Variants in CHIT1 observed in about 807,000 individuals in gnomAD.
CHIT1 encodes the protein chitinase 1.
Under a neutral mutation model 52.0 loss-of-function variants are expected in CHIT1, and 47 were observed. The ratio of observed to expected loss-of-function variants is 0.90; its 90% CI spans 0.71 to 1.15. CHIT1 has a LOEUF of 1.15. Ranked by LOEUF, CHIT1 falls within the 50% of genes most tolerant of loss-of-function variation. The pLI is 0.00. For synonymous variants in CHIT1, 242 were observed against 228.2 expected (o/e 1.06, Z -0.54); for missense variants, 569 against 583.0 (o/e 0.98, Z 0.25).
At chr1:203,218,202 G>T (rs547786138) in intron 9 of CHIT1, 146 of 996,368 alleles carry the variant, frequency 1.5e-4, no homozygotes, top group Admixed American at 2.7e-4. Flanking sequence ...TTATTTAAGG[G>T]TATTGTATGC....
At chr1:203,228,939 A>G (rs1201890775) in intron 1 of CHIT1, among the ~76,000 whole-genome samples, 1 of 152,220 alleles carries the variant, frequency 6.6e-6, no homozygotes, top group Admixed American at 6.5e-5. Context: ...GGCTAGAAAG[A>G]ATCAATCTGG....
chr1:203,217,430 G>A (rs928701217), intron 10 of CHIT1: 80 of 1,445,848 alleles, frequency 5.5e-5, no homozygotes, highest in Non-Finnish European at 7.1e-5. Flanking sequence ...TGCAGGCTAA[G>A]GGGAGGCTTT....
In CHIT1 at chr1:203,217,724, G is replaced by A. The variant is rs1437197950; in HGVS notation, c.1156+15C>T. The A allele has an allele frequency of 1.9e-6, 3 of 1,613,546 alleles. No homozygotes were observed. Among genetic ancestry groups the A allele is most frequent in the African/African-American group, 1.3e-5 (1 of 74,618 alleles). ...ACCTCCAAATTCCACCACTGGCCCT[G>A]GGCCCCTTACTTACTCAGTTCCTGC... On this transcript the variant is annotated intron_variant, in intron 10 of 10. Transcript: ENST00000367229.
chr1:203,225,366 A>G (rs557551076), intron 3 of CHIT1, among the ~76,000 whole-genome samples: 12 of 152,166 alleles, frequency 7.9e-5, no homozygotes, highest in Non-Finnish European at 1.3e-4. Context: ...GAAGGCGCCC[A>G]GAACACTGGA....
chr1:203,227,973 G>C (rs1325706225), intron 2 of CHIT1, among the ~76,000 whole-genome samples: 1 of 152,138 alleles, frequency 6.6e-6, no homozygotes, highest in Non-Finnish European at 1.5e-5. Context: ...GGGACCAGGA[G>C]TTCAAGTTGC....
In CHIT1 at chr1:203,223,195, G is replaced by A; in HGVS notation, c.545C>T (p.Ala182Val). 1 of 1,614,208 alleles carries A rather than the reference G, an allele frequency of 6.2e-7. No individual in the cohort carries two copies. The highest frequency in any genetic ancestry group is 8.5e-7 in the Non-Finnish European group (1 of 1,180,034). Residue 182 changes from alanine (A) to valine (V), a missense_variant, in exon 6 of 11, where the codon GCA (alanine) becomes GTA (valine). By Grantham distance (64) the Ala-to-Val change is moderately conservative. Transcript: ENST00000367229. ...ATAGGTCTGCCCAGCTGGAACCGCT[G>A]CACTCAGAAGAAGGCGTTCCTTCCC... ...TSGKERLLLSAAVPAGQTYVD... is the reference protein window; with the variant it reads ...TSGKERLLLSVAVPAGQTYVD...
chr1:203,217,380 C>T, intron 10 of CHIT1: 1 of 1,502,124 alleles, frequency 6.7e-7, no homozygotes, highest in East Asian at 2.6e-5. Flanking sequence ...CATCTGCAAG[C>T]ACAACCATAT....
rs377270886 is a variant in CHIT1 at position 203,229,651 on chromosome 1, G to C, written c.-15C>G. The C allele has an allele frequency of 6.2e-6, 10 of 1,613,854 alleles. No individual in the cohort carries two copies. The African/African-American group carries it at 1.3e-4, about 22-fold the overall frequency. On this transcript the variant is annotated 5_prime_UTR_variant, in exon 1 of 11. Coordinates refer to ENST00000367229, the MANE Select transcript of CHIT1 (RefSeq NM_003465.3). The stretch of plus-strand genomic sequence containing the variant: ...GACCGCACCATGATGCAGCTCAGCG[G>C]CAGGCTGCAGCCCATACAAACCAGC...
chr1:203,223,240 T>C lies in CHIT1; in HGVS notation c.500A>G (p.Gln167Arg). ...CTTCCCTGAGGTCTGGGCTTCCTGC[T>C]GGAAGGCATTGGCCAAGTCCTGTGG... is the stretch of plus-strand genomic sequence containing the variant. ...TLVQDLANAF[Q>R]QEAQTSGKER... The change falls in exon 6 of 11, where the codon CAG (glutamine) becomes CGG (arginine). Residue 167 changes from glutamine to arginine, a missense_variant. Gln to Arg is a conservative substitution (Grantham distance 43, BLOSUM62 1). Coordinates refer to ENST00000367229, the MANE Select transcript of CHIT1 (RefSeq NM_003465.3). The C allele has an allele frequency of 6.2e-7, 1 of 1,614,216 alleles. No homozygotes were observed. The highest frequency in any genetic ancestry group is 1.6e-4 in the Middle Eastern group (1 of 6,062).
At chr1:203,227,277 G>T (rs1011085275) in intron 2 of CHIT1, among the ~76,000 whole-genome samples, 4 of 152,166 alleles carry the variant, frequency 2.6e-5, no homozygotes, top group Non-Finnish European at 4.4e-5. Context: ...TGGGGCTGGG[G>T]TGTAGCCTGC....
At chr1:203,220,701 C>A (rs1264695817) in intron 7 of CHIT1, among the ~76,000 whole-genome samples, 1 of 152,242 alleles carries the variant, frequency 6.6e-6, no homozygotes, top group Non-Finnish European at 1.5e-5. Context: ...GCTTTCACTA[C>A]ATTTATTTAA....
chr1:203,217,736 T>C lies in CHIT1; in HGVS notation c.1156+3A>G. The C allele has an allele frequency of 6.2e-7, 1 of 1,613,672 alleles. No homozygotes were observed. Among genetic ancestry groups the C allele is most frequent in the Non-Finnish European group, 8.5e-7 (1 of 1,179,750 alleles). On this transcript the variant is annotated splice_donor_region_variant and intron_variant, in intron 10 of 10. Coordinates refer to ENST00000367229, the MANE Select transcript of CHIT1 (RefSeq NM_003465.3). ...CACCACTGGCCCTGGGCCCCTTACT[T>C]ACTCAGTTCCTGCCGTAGCGTCTGG...
rs571309803 is a variant in CHIT1, at chr1:203,229,247, G to A, written c.25+365C>T. On this transcript the variant is annotated intron_variant, in intron 1 of 10. Coordinates refer to ENST00000367229, the MANE Select transcript of CHIT1 (RefSeq NM_003465.3). ...GGAGAAGAGGTTCTTGGCAGTGGGC[G>A]CTTCTTGGATAAGGCCAACAGGAGG... Among the ~76,000 whole-genome samples, 120 of 152,280 alleles carry A rather than the reference G, an allele frequency of 7.9e-4. 1 individual carries two copies. Among genetic ancestry groups the A allele is most frequent in the Middle Eastern group, 3.4e-3 (1 of 294 alleles).
At chr1:203,230,083 A>T (rs983138880), upstream of CHIT1, 1 of 217,184 alleles carries the variant, frequency 4.6e-6, no homozygotes, top group African/African-American at 2.3e-5. Context: ...CTGTTTCTCC[A>T]TCTAGAAGAT....
intron 6 of CHIT1, 21 bp downstream of exon 6, chr1:203,223,114 A>G (rs1244381987): frequency 1.9e-6 from 3 of 1,613,836 alleles, no homozygotes; most frequent in African/African-American, 1.3e-5. Context: ...CACAGCTCCA[A>G]GCCATCTGCC....
At position 203,225,695 on chromosome 1, in the gene CHIT1, G is replaced by A. The variant is rs1170791356; in HGVS notation, c.231C>T (p.Tyr77=). The A allele has an allele frequency of 8.7e-6, 14 of 1,614,034 alleles. No homozygotes were observed. Among genetic ancestry groups the A allele is most frequent in the Non-Finnish European group, 1.2e-5 (14 of 1,179,948 alleles). Residue 77 remains tyrosine (Y), a synonymous_variant, in exon 3 of 11, where the codon TAC becomes TAT. Transcript: ENST00000367229. Reference sequence around the variant, plus strand: ...TCTTCTTCAGGCCATTGAACTCCTGGTAGAGAGTCTCGTCATTCCACTCAG... The same window carrying A: ...TCTTCTTCAGGCCATTGAACTCCTGATAGAGAGTCTCGTCATTCCACTCAG... ...STTEWNDETL[Y]QEFNGLKKMN... is the part of the protein sequence containing the mutation.
chr1:203,216,541 T>TG lies in CHIT1; in HGVS notation c.*347dup. 2.1e-6 allele frequency: 1 copy of TG among 468,548 alleles called. No homozygotes were observed. Among genetic ancestry groups the TG allele is most frequent in the South Asian group, 1.5e-5 (1 of 64,600 alleles). The allele number at this position is 468,548 out of a possible 1,614,324, so 29.0% of individuals were successfully genotyped here. A position where few individuals can be genotyped will look rare whatever the true frequency, so the allele number is the denominator to read the frequency against. ...AACTGCCCACTGGCATATGGACTCA[T>TG]GGGGCAAGACCTGCCACAGGGCCTG... On this transcript the variant is annotated 3_prime_UTR_variant, in exon 11 of 11. Transcript: ENST00000367229.
Position 203,219,345 on chromosome 1 carries a change from G to A in CHIT1, c.916-16C>T, listed in dbSNP as rs1322581026. 2.1e-6 allele frequency: 3 copies of A among 1,426,472 alleles called. No individual in the cohort carries two copies. The highest frequency in any genetic ancestry group is 3.3e-5 in the Admixed American group (2 of 59,790). 88.4% of individuals were successfully genotyped at this position (1,426,472 alleles called of 1,614,324 possible). ...AGGAGCAGACCTGTGGGAGCAGAAG[G>A]CAGCACTGGGGAGGAGGAGGGAGGC... On this transcript the variant is annotated splice_polypyrimidine_tract_variant and intron_variant, in intron 8 of 10. Transcript: ENST00000367229.
At chr1:203,222,785 C>T (rs2102237458) in intron 6 of CHIT1, among the ~76,000 whole-genome samples, 1 of 152,208 alleles carries the variant, frequency 6.6e-6, no homozygotes, top group East Asian at 1.9e-4. Flanking sequence ...ACATGCTGTA[C>T]TTTGAGGAGC....
Sources: gnomAD v4.1 joint callset for allele counts (sites outside exome capture counted in the v4.1 genomes callset) on GRCh38, gnomAD v4.1.1 for gene constraint, MANE v1.5 for transcripts, NCBI Gene and HGNC (gene_info 2026-07-23, HGNC 2026-07-21) for gene names.